FZR1: variants seen among roughly 807,000 people sequenced by gnomAD.
FZR1 encodes fizzy and cell division cycle 20 related 1.
FZR1 carries 11 observed loss-of-function variants against 63.6 expected under a neutral mutation model. The ratio of observed to expected loss-of-function variants is 0.17; its 90% CI spans 0.11 to 0.29. FZR1 has a LOEUF of 0.29. FZR1 is among the 10% of genes least tolerant of loss of function. The pLI, the probability that FZR1 is intolerant of heterozygous loss-of-function variation, is 1.00. For missense variants in FZR1, 440 were observed against 687.5 expected (o/e 0.64, Z 4.03); for synonymous variants, 328 against 297.9 (o/e 1.10, Z -1.04).
At position 3,533,707 on chromosome 19, in the gene FZR1, C is replaced by A; in HGVS notation, c.1347+309C>A. ...AAGCCAAAACCAACTCACAGCTGACCACTCAGATGACCCTGTGAACGTCCT... is the reference window on the plus strand; with the variant it reads ...AAGCCAAAACCAACTCACAGCTGACAACTCAGATGACCCTGTGAACGTCCT... On this transcript the variant is annotated intron_variant, in intron 12 of 13. Coordinates refer to ENST00000441788, the MANE Select transcript of FZR1 (RefSeq NM_016263.4). The surrounding 1 kb of genome is among the most constrained non-coding windows in gnomAD (Gnocchi z 4.9). The A allele has an allele frequency of 2.8e-6, 1 of 358,878 alleles. No homozygotes were observed. Among genetic ancestry groups the A allele is most frequent in the Non-Finnish European group, 5.2e-6 (1 of 193,570 alleles). The allele number at this position is 358,878 out of a possible 1,614,324, so 22.2% of individuals were successfully genotyped here.
At chr19:3,531,867 G>A (rs369698185) in intron 9 of FZR1, 44 bp from the exon 10 acceptor site, 44 of 1,558,570 alleles carry the variant, frequency 2.8e-5, no homozygotes, top group Admixed American at 1.2e-4. Context: ...CCCCAGCTCC[G>A]CGAGGGCAGG....
Position 3,537,865 on chromosome 19 carries a change from G to C in FZR1, c.*3029G>C, listed in dbSNP as rs1165748694. ...AGTGAGGAGGTGGCGTCACAAGGGTGGGGAGGGGGCCTTGGGGAAGGGCGG... is the reference window on the plus strand; with the variant it reads ...AGTGAGGAGGTGGCGTCACAAGGGTCGGGAGGGGGCCTTGGGGAAGGGCGG... On this transcript the variant is annotated 3_prime_UTR_variant, in exon 14 of 14. Coordinates refer to ENST00000441788, the MANE Select transcript of FZR1 (RefSeq NM_016263.4). 6.6e-6 allele frequency: 1 copy of C among 152,628 alleles called. No homozygotes were observed. The highest frequency in any genetic ancestry group is 2.4e-5 in the African/African-American group (1 of 41,454). 9.5% of individuals were successfully genotyped at this position (152,628 alleles called of 1,614,324 possible). A position where few individuals can be genotyped will look rare whatever the true frequency, so the allele number is the denominator to read the frequency against.
chr19:3,524,100 G>A (rs1316589315), intron 2 of FZR1, among the ~76,000 whole-genome samples: 2 of 152,252 alleles, frequency 1.3e-5, no homozygotes, highest in Non-Finnish European at 2.9e-5. Flanking sequence ...CAGAGAGAGA[G>A]AGGCATAAAT....
chr19:3,523,404 T>C (rs2083121819), intron 2 of FZR1, among the ~76,000 whole-genome samples: 1 of 152,134 alleles, frequency 6.6e-6, no homozygotes, highest in African/African-American at 2.4e-5. Flanking sequence ...CTGTGGGATT[T>C]GGGGGGCCCT....
rs994660782 is a variant in FZR1 at position 3,514,340 on chromosome 19, C to G, written c.-35+7866C>G. Among the ~76,000 whole-genome samples the G allele has an allele frequency of 6.6e-6, 1 of 152,140 alleles. No homozygotes were observed. Among genetic ancestry groups the G allele is most frequent in the Non-Finnish European group, 1.5e-5 (1 of 67,996 alleles). ...TTCAAGTCACTTCCCTGGTTTTGCC[C>G]GAGAGCAGGGTCTCTGCCCTTGCAC... On this transcript the variant is annotated intron_variant, in intron 1 of 13. Transcript: ENST00000441788. This position sits in a 1 kb window ranked among gnomAD's most constrained non-coding sequence, Gnocchi z 4.2.
At chr19:3,510,860 G>T (rs991716065) in intron 1 of FZR1, among the ~76,000 whole-genome samples, 1 of 152,250 alleles carries the variant, frequency 6.6e-6, no homozygotes, top group Non-Finnish European at 1.5e-5. Flanking sequence ...GGCCAGTGAT[G>T]CTGCTCAGCG....
Position 3,535,897 on chromosome 19 carries a change from C to G in FZR1, c.*1061C>G, listed in dbSNP as rs888463749. 6.6e-6 allele frequency: 1 copy of G among 152,368 alleles called. No individual in the cohort carries two copies. The highest frequency in any genetic ancestry group is 2.4e-5 in the African/African-American group (1 of 41,442). 9.4% of individuals were successfully genotyped at this position (152,368 alleles called of 1,614,324 possible). ...GCCCTCCATCCTTCGAGAAGCTTCC[C>G]AGGCTCCTCTGCTTCTCTGTCTCAT... On this transcript the variant is annotated 3_prime_UTR_variant, in exon 14 of 14. Transcript: ENST00000441788.
chr19:3,526,075 C>G lies in FZR1; in HGVS notation c.196-45C>G, dbSNP rs767640568. 2.5e-6 allele frequency: 4 copies of G among 1,611,440 alleles called. No individual in the cohort carries two copies. Among genetic ancestry groups the G allele is most frequent in the Non-Finnish European group, 2.5e-6 (3 of 1,178,808 alleles). Reference sequence around the variant, plus strand: ...AGCCTCCTTGCTCTAGGGCCGGGAACAAGCGGGCTCCTCGACCCCTCCCTC... The same window carrying G: ...AGCCTCCTTGCTCTAGGGCCGGGAAGAAGCGGGCTCCTCGACCCCTCCCTC... On this transcript the variant is annotated intron_variant, in intron 3 of 13. Transcript: ENST00000441788. This position sits in a 1 kb window ranked among gnomAD's most constrained non-coding sequence, Gnocchi z 5.4.
At chr19:3,520,374 G>C (rs2083090860) in intron 1 of FZR1, among the ~76,000 whole-genome samples, 2 of 152,326 alleles carry the variant, frequency 1.3e-5, no homozygotes, top group South Asian at 2.1e-4. Flanking sequence ...TTGCTCTGTG[G>C]CCGCGTGGGC....
chr19:3,534,928 T>TC lies in FZR1; in HGVS notation c.*97dup. 1 of 1,065,290 alleles carries TC rather than the reference T, an allele frequency of 9.4e-7. No homozygotes were observed. The highest frequency in any genetic ancestry group is 1.4e-6 in the Non-Finnish European group (1 of 691,534). 66.0% of individuals were successfully genotyped at this position (1,065,290 alleles called of 1,614,324 possible). A position where few individuals can be genotyped will look rare whatever the true frequency, so the allele number is the denominator to read the frequency against. On this transcript the variant is annotated 3_prime_UTR_variant, in exon 14 of 14. Coordinates refer to ENST00000441788, the MANE Select transcript of FZR1 (RefSeq NM_016263.4). The stretch of plus-strand genomic sequence containing the variant: ...ATGGACTCTGCCTTCCCAGCGCTTG[T>TC]CCCCCGAGGAAGGCGGCTGGGCGGG...
intron 12 of FZR1, among the ~76,000 whole-genome samples, chr19:3,534,003 G>A (rs2083272806): frequency 6.6e-6 from 1 of 151,914 alleles, no homozygotes; most frequent in Non-Finnish European, 1.5e-5. Flanking sequence ...TGGGAGGATC[G>A]CTTGAGCCCA....
At chr19:3,527,288 T>A (rs1406942159) in intron 6 of FZR1, among the ~76,000 whole-genome samples, 1 of 152,018 alleles carries the variant, frequency 6.6e-6, no homozygotes, top group Non-Finnish European at 1.5e-5. Context: ...GTAATAGAAG[T>A]GTAGTCCAGG....
chr19:3,508,294 T>A (rs1249873983), intron 1 of FZR1, among the ~76,000 whole-genome samples: 2 of 150,324 alleles, frequency 1.3e-5, no homozygotes, highest in African/African-American at 5.0e-5. Flanking sequence ...CCTCCCAGGT[T>A]CAAGTGATTC....
rs1343376392 is a variant in FZR1, at chr19:3,537,802, T to TG, written c.*2971dup. ...AGACCTGGCCCATGTGGAGCTGGCA[T>TG]GGGGGACACAGCCCAGAGACAGAGA... is the stretch of plus-strand genomic sequence containing the variant. On this transcript the variant is annotated 3_prime_UTR_variant, in exon 14 of 14. Coordinates refer to ENST00000441788, the MANE Select transcript of FZR1 (RefSeq NM_016263.4). The TG allele has an allele frequency of 6.6e-6, 1 of 152,224 alleles. No individual in the cohort carries two copies. The highest frequency in any genetic ancestry group is 1.5e-5 in the Non-Finnish European group (1 of 68,288). 9.4% of individuals were successfully genotyped at this position (152,224 alleles called of 1,614,324 possible).
rs1276341458 is a variant in FZR1, at chr19:3,514,511, T to C, written c.-35+8037T>C. ...CCACAGATGTCCCCAGACATCACCATATATCATACCCTGGGGGCAGAATCA... is the reference window on the plus strand; with the variant it reads ...CCACAGATGTCCCCAGACATCACCACATATCATACCCTGGGGGCAGAATCA... On this transcript the variant is annotated intron_variant, in intron 1 of 13. Transcript: ENST00000441788. This position sits in a 1 kb window ranked among gnomAD's most constrained non-coding sequence, Gnocchi z 4.2. 1.3e-5 allele frequency among the ~76,000 whole-genome samples: 2 copies of C among 152,006 alleles called. No homozygotes were observed. The highest frequency in any genetic ancestry group is 3.9e-4 in the East Asian group (2 of 5,168).
chr19:3,533,475 C>G lies in FZR1; in HGVS notation c.1347+77C>G. Reference sequence around the variant, plus strand: ...CATGGCCACCCCAGAGCACCCTGTCCTGTGTTCTTAGGGAGGATGGTGTGC... The same window carrying G: ...CATGGCCACCCCAGAGCACCCTGTCGTGTGTTCTTAGGGAGGATGGTGTGC... On this transcript the variant is annotated intron_variant, in intron 12 of 13. Transcript: ENST00000441788. This position sits in a 1 kb window ranked among gnomAD's most constrained non-coding sequence, Gnocchi z 4.9. The G allele has an allele frequency of 1.1e-6, 1 of 873,086 alleles. No individual in the cohort carries two copies. Among genetic ancestry groups the G allele is most frequent in the Non-Finnish European group, 1.9e-6 (1 of 520,700 alleles). 54.1% of individuals were successfully genotyped at this position (873,086 alleles called of 1,614,324 possible).
chr19:3,513,724 C>T (rs2083039243), intron 1 of FZR1, among the ~76,000 whole-genome samples: 1 of 152,120 alleles, frequency 6.6e-6, no homozygotes, highest in Admixed American at 6.5e-5. Context: ...GTCGGTGTTC[C>T]CTCCTCCCTT....
rs773263261 is a variant in FZR1 at position 3,526,028 on chromosome 19, C to T, written c.195+35C>T. 35 of 1,611,050 alleles carry T rather than the reference C, an allele frequency of 2.2e-5. No individual in the cohort carries two copies. The highest frequency in any genetic ancestry group is 8.9e-5 in the East Asian group (4 of 44,808). ...TGGCTGGGCAGGAGATGGGACCCCC[C>T]GGGAAGCCCAGGGCCCCTCCCAGCC... On this transcript the variant is annotated intron_variant, in intron 3 of 13. Coordinates refer to ENST00000441788, the MANE Select transcript of FZR1 (RefSeq NM_016263.4). This position sits in a 1 kb window ranked among gnomAD's most constrained non-coding sequence, Gnocchi z 5.4.
rs181849909 is a variant in FZR1, at chr19:3,517,784, A to G, written c.-34-5172A>G. Reference sequence around the variant, plus strand: ...TCTCTGGAAATGAATTGCATCACCAAGGTCTCTGTGTGAAACAAGATAAAC... The same window carrying G: ...TCTCTGGAAATGAATTGCATCACCAGGGTCTCTGTGTGAAACAAGATAAAC... On this transcript the variant is annotated intron_variant, in intron 1 of 13. Transcript: ENST00000441788. Among the ~76,000 whole-genome samples the G allele has an allele frequency of 2.5e-3, 381 of 152,260 alleles. 1 individual carries two copies. Among genetic ancestry groups the G allele is most frequent in the African/African-American group, 8.6e-3 (359 of 41,550 alleles).
Sources: allele counts gnomAD v4.1 joint callset (sites outside exome capture counted in the v4.1 genomes callset), GRCh38; gene constraint gnomAD v4.1.1; non-coding constraint Gnocchi (gnomAD v3.1); transcripts MANE v1.5; gene names NCBI Gene and HGNC (gene_info 2026-07-23, HGNC 2026-07-21).